Variants in CCDC93 observed in about 807,000 individuals in gnomAD.
CCDC93 encodes the protein CCC complex scaffolding subunit CCDC93.
A neutral mutation model predicts 108.2 loss-of-function variants in CCDC93; 61 were observed. The ratio of observed to expected loss-of-function variants is 0.56; its 90% CI spans 0.46 to 0.70. The LOEUF (loss-of-function observed/expected upper bound fraction) is 0.70, where lower values mean the gene tolerates loss of function less well. CCDC93 is among the 30% of genes least tolerant of loss of function. The pLI is 0.00. For synonymous variants in CCDC93, 276 were observed against 260.4 expected, an observed-to-expected ratio of 1.06 and a Z score of -0.58; for missense variants, 685 against 764.2, an observed-to-expected ratio of 0.90 and a Z score of 1.22.
chr2:117,958,505 T>C (rs753077400), intron 11 of CCDC93, 24 bp from the exon 12 acceptor site: 1 of 1,346,456 alleles, frequency 7.4e-7, no homozygotes, highest in Non-Finnish European at 1.1e-6. Flanking sequence ...GGATGGCAAA[T>C]CCAAAGGATT....
chr2:117,952,459 T>C (rs770524800), intron 12 of CCDC93, 24 bp from the exon 13 acceptor site: 7 of 1,535,512 alleles, frequency 4.6e-6, no homozygotes, highest in Non-Finnish European at 6.3e-6. Flanking sequence ...ATAAAAGACA[T>C]ATGCTCTCAT....
chr2:117,968,815 T>A (rs1338514945), intron 11 of CCDC93, among the ~76,000 whole-genome samples: 1 of 152,148 alleles, frequency 6.6e-6, no homozygotes, highest in Non-Finnish European at 1.5e-5. Context: ...AAAATCCTGA[T>A]CTCAGCCTAA....
chr2:118,009,236 T>C (rs1676960274), intron 1 of CCDC93, among the ~76,000 whole-genome samples: 1 of 151,478 alleles, frequency 6.6e-6, no homozygotes, highest in Admixed American at 6.6e-5. Flanking sequence ...CCAGGTTTGG[T>C]GGCCCATGCT....
intron 10 of CCDC93, among the ~76,000 whole-genome samples, chr2:117,974,595 G>A (rs77672438): frequency 0.07 from 10,728 of 152,194 alleles, 509 homozygotes; most frequent in Admixed American, 0.11. Flanking sequence ...TAGCTCTTCC[G>A]CAGAGGCCCT....
At chr2:118,012,235 T>C (rs1207675209) in intron 1 of CCDC93, among the ~76,000 whole-genome samples, 1 of 151,182 alleles carries the variant, frequency 6.6e-6, no homozygotes, top group African/African-American at 2.4e-5. Context: ...GCTCACGCCA[T>C]TGCACTCCAG....
At chr2:117,934,372 T>G (rs76958154) in intron 22 of CCDC93, 11,415 of 152,204 alleles carry the variant, frequency 0.075, 518 homozygotes, top group South Asian at 0.15. Context: ...GAGAGGGGAC[T>G]GCATTCTCCC....
chr2:117,939,004 AT>A, intron 20 of CCDC93, 24 bp downstream of exon 20: 1 of 1,320,418 alleles, frequency 7.6e-7, no homozygotes, highest in Non-Finnish European at 1.1e-6. Flanking sequence ...CTGCTTAGCC[AT>A]TTTCTTTTTA....
chr2:117,926,569 G>T (rs1450531179), intron 23 of CCDC93, among the ~76,000 whole-genome samples: 2 of 152,174 alleles, frequency 1.3e-5, no homozygotes, highest in African/African-American at 4.8e-5. Flanking sequence ...ACTAAACGAG[G>T]AAGAAGTTGA....
At chr2:117,929,110 T>C (rs1305390251) in intron 23 of CCDC93, among the ~76,000 whole-genome samples, 1 of 33,724 alleles carries the variant, frequency 3.0e-5, no homozygotes, top group Non-Finnish European at 5.6e-5. Flanking sequence ...GGGCCTGTTG[T>C]GGGGTGGGGG....
At position 117,919,448 on chromosome 2, in the gene CCDC93, C is replaced by G. The variant is rs1677790618; in HGVS notation, c.*895G>C. On this transcript the variant is annotated 3_prime_UTR_variant, in exon 24 of 24. Transcript: ENST00000376300. Reference sequence around the variant, plus strand: ...AACCCTACTGCTCTTCCTCCTGACACCCTACTTGCCTTGAGTGCAGGGAAC... The same window carrying G: ...AACCCTACTGCTCTTCCTCCTGACAGCCTACTTGCCTTGAGTGCAGGGAAC... The G allele has an allele frequency of 6.6e-6, 1 of 152,262 alleles. No individual in the cohort carries two copies. Among genetic ancestry groups the G allele is most frequent in the African/African-American group, 2.4e-5 (1 of 41,452 alleles). The allele number at this position is 152,262 out of a possible 1,614,324, so 9.4% of individuals were successfully genotyped here.
At chr2:117,968,784 CCT>C (rs1187333815) in intron 11 of CCDC93, among the ~76,000 whole-genome samples, 1 of 152,068 alleles carries the variant, frequency 6.6e-6, no homozygotes, top group Non-Finnish European at 1.5e-5. Flanking sequence ...TATCCTTTTC[CCT>C]CTCTTCATAA....
chr2:118,010,575 C>A (rs1319788143), intron 1 of CCDC93, among the ~76,000 whole-genome samples: 3 of 152,126 alleles, frequency 2.0e-5, no homozygotes, highest in Non-Finnish European at 4.4e-5. Flanking sequence ...AGAACTCTTG[C>A]AAATGCTTCT....
chr2:117,927,921 A>T (rs1678178558), intron 23 of CCDC93, among the ~76,000 whole-genome samples: 1 of 152,180 alleles, frequency 6.6e-6, no homozygotes, highest in African/African-American at 2.4e-5. Context: ...GATATAGACC[A>T]ATGGAACAGA....
intron 13 of CCDC93, chr2:117,949,933 T>C (rs1023373264): frequency 3.2e-5 from 32 of 985,254 alleles, no homozygotes; most frequent in Middle Eastern, 5.2e-4. Context: ...GTGTGCAGTG[T>C]TGGGGATCTG....
At chr2:117,939,189 C>T in intron 19 of CCDC93, 78 bp from the exon 20 acceptor site, 2 of 847,180 alleles carry the variant, frequency 2.4e-6, no homozygotes, top group Non-Finnish European at 3.9e-6. Context: ...TCCATGAATG[C>T]ACTGCCAGGA....
intron 12 of CCDC93, among the ~76,000 whole-genome samples, chr2:117,955,643 T>C (rs1012271349): frequency 1.6e-4 from 25 of 152,178 alleles, no homozygotes; most frequent in African/African-American, 5.6e-4. Context: ...TCAGTATCCT[T>C]ATTTGTAAAG....
chr2:117,923,876 C>A (rs1197394018), intron 23 of CCDC93, among the ~76,000 whole-genome samples: 3 of 144,990 alleles, frequency 2.1e-5, no homozygotes, highest in Admixed American at 1.4e-4. Flanking sequence ...GGGAGGCACA[C>A]CCCAGTAGGG....
chr2:117,969,481 G>A (rs775927680), intron 11 of CCDC93, among the ~76,000 whole-genome samples: 95 of 152,318 alleles, frequency 6.2e-4, no homozygotes, highest in Non-Finnish European at 9.0e-4. Context: ...GTTATTTTAA[G>A]TGACTACATT....
At chr2:117,963,306 G>GA (rs1168838412) in intron 11 of CCDC93, among the ~76,000 whole-genome samples, 2 of 152,162 alleles carry the variant, frequency 1.3e-5, no homozygotes, top group African/African-American at 2.4e-5. Context: ...TAAAGCAACA[G>GA]ATTAAATCTA....
Sources: gnomAD v4.1 joint callset for allele counts (sites outside exome capture counted in the v4.1 genomes callset) on GRCh38, gnomAD v4.1.1 for gene constraint, MANE v1.5 for transcripts, NCBI Gene and HGNC (gene_info 2026-07-23, HGNC 2026-07-21) for gene names.